Variants in PI15 observed in about 807,000 individuals in gnomAD.
The protein encoded by PI15 is peptidase inhibitor 15, also known as 25 kDa trypsin inhibitor.
In PI15, 18 loss-of-function variants were observed where a neutral mutation model predicts 31.0. That is an observed-to-expected ratio of 0.58 (90% CI 0.40 to 0.86). PI15 has a LOEUF of 0.86. PI15 is among the 40% of genes least tolerant of loss of function. PI15 has a pLI of 0.00. For synonymous variants in PI15, 118 were observed against 119.1 expected (o/e 0.99, Z 0.06); for missense variants, 282 against 328.1 (o/e 0.86, Z 1.09).
chr8:74,845,188 T>C lies in PI15; in HGVS notation c.453T>C (p.Phe151=), dbSNP rs1472029471. ...ATGATGAAGTGAAAGATTATGCTTT[T>C]CCATATCCCCAGGATTGCAACCCCA... ...PWYDEVKDYA[F]PYPQDCNPRC... is the part of the protein sequence containing the mutation. Residue 151 remains phenylalanine (F), a synonymous_variant, in exon 4 of 6, where the codon TTT becomes TTC. Coordinates refer to ENST00000260113, the MANE Select transcript of PI15 (RefSeq NM_015886.5). 7 of 1,612,820 alleles carry C rather than the reference T, an allele frequency of 4.3e-6. No homozygotes were observed. The highest frequency in any genetic ancestry group is 1.7e-5 in the Admixed American group (1 of 60,006).
intron 2 of PI15, among the ~76,000 whole-genome samples, chr8:74,839,298 T>C (rs1810912434): frequency 6.6e-6 from 1 of 152,184 alleles, no homozygotes; most frequent in African/African-American, 2.4e-5. Context: ...GTGAATATTT[T>C]AGTCCAGAGC....
intron 2 of PI15, among the ~76,000 whole-genome samples, chr8:74,826,027 C>T (rs2128763085): frequency 6.6e-6 from 1 of 152,120 alleles, no homozygotes; most frequent in South Asian, 2.1e-4. Flanking sequence ...CTGACGCTAA[C>T]CTATTTGTAT....
chr8:74,835,226 TC>T (rs1810845941), intron 2 of PI15, among the ~76,000 whole-genome samples: 1 of 152,174 alleles, frequency 6.6e-6, no homozygotes, highest in Admixed American at 6.5e-5. Context: ...TTTTGGATTT[TC>T]AGAAAGTTTC....
intron 5 of PI15, among the ~76,000 whole-genome samples, chr8:74,847,079 A>G (rs1206362225): frequency 6.6e-6 from 1 of 152,186 alleles, no homozygotes; most frequent in African/African-American, 2.4e-5. Flanking sequence ...AATGTCTGTG[A>G]AACAAATCAA....
At chr8:74,832,547 T>C (rs1315039950) in intron 2 of PI15, among the ~76,000 whole-genome samples, 3 of 152,082 alleles carry the variant, frequency 2.0e-5, no homozygotes, top group Admixed American at 6.6e-5. Context: ...AATGGTGCCA[T>C]GAATTTAGTA....
Position 74,849,409 on chromosome 8 carries a change from G to A in PI15, c.*156G>A. ...GTATAAATTAGTGTTTGTCTAGCAT[G>A]TTTGTTTAATCCTTTGAAATATTTG... On this transcript the variant is annotated 3_prime_UTR_variant, in exon 6 of 6. Transcript: ENST00000260113. 3.9e-6 allele frequency: 2 copies of A among 515,294 alleles called. No individual in the cohort carries two copies. Among genetic ancestry groups the A allele is most frequent in the Non-Finnish European group, 6.6e-6 (2 of 302,002 alleles). The allele number at this position is 515,294 out of a possible 1,614,324, so 31.9% of individuals were successfully genotyped here. A position where few individuals can be genotyped will look rare whatever the true frequency, so the allele number is the denominator to read the frequency against.
Position 74,825,468 on chromosome 8 carries a change from T to G in PI15, c.219T>G (p.Tyr73Ter). ...SQNDMIAILD[Y>*]HNQVRGKVFP... ...ATGACATGATCGCCATTCTTGATTA[T>G]CATAATCAAGTTCGGGGCAAAGTGT... is the stretch of plus-strand genomic sequence containing the variant. The change falls in exon 2 of 6, where the codon TAT becomes TAG. Residue 73 changes from tyrosine (Y) to a stop codon, truncating the protein, a stop_gained. Transcript: ENST00000260113. LOFTEE classifies it high-confidence loss of function. The G allele has an allele frequency of 1.2e-6, 2 of 1,613,130 alleles. No individual in the cohort carries two copies. Among genetic ancestry groups the G allele is most frequent in the Non-Finnish European group, 1.7e-6 (2 of 1,179,488 alleles).
Position 74,850,372 on chromosome 8 carries a change from G to A in PI15, c.*1119G>A, listed in dbSNP as rs1017215838. The A allele has an allele frequency of 1.3e-5, 2 of 152,140 alleles. No individual in the cohort carries two copies. Among genetic ancestry groups the A allele is most frequent in the Non-Finnish European group, 2.9e-5 (2 of 68,020 alleles). The allele number at this position is 152,140 out of a possible 1,614,324, so 9.4% of individuals were successfully genotyped here. A position where few individuals can be genotyped will look rare whatever the true frequency, so the allele number is the denominator to read the frequency against. On this transcript the variant is annotated 3_prime_UTR_variant, in exon 6 of 6. Coordinates refer to ENST00000260113, the MANE Select transcript of PI15 (RefSeq NM_015886.5). ...GGACAGGTATGAAAAGTGTAATTGC[G>A]CCTAACTACCAGATGGAGAGCTTCA...
chr8:74,832,498 TCAACAAATATG>T (rs1227770818), intron 2 of PI15, among the ~76,000 whole-genome samples: 2 of 152,022 alleles, frequency 1.3e-5, no homozygotes, highest in South Asian at 4.1e-4. Flanking sequence ...GGGAATCTAC[TCAACAAATATG>T]CAAGAAAATA....
intron 2 of PI15, 104 bp downstream of exon 2, chr8:74,825,626 T>C (rs1159270435): frequency 3.4e-6 from 3 of 894,202 alleles, no homozygotes; most frequent in East Asian, 5.2e-5. Flanking sequence ...TGTCCGGGTA[T>C]ATGGACTTTT....
At position 74,853,885 on chromosome 8, in the gene PI15, TTA is replaced by T. The variant is rs1169382649; in HGVS notation, c.*4633_*4634del. 1 of 152,026 alleles carries T rather than the reference TTA, an allele frequency of 6.6e-6. No individual in the cohort carries two copies. The highest frequency in any genetic ancestry group is 1.5e-5 in the Non-Finnish European group (1 of 67,926). The allele number at this position is 152,026 out of a possible 1,614,324, so 9.4% of individuals were successfully genotyped here. ...GTATTGGTAAAATATATTTTTAAAT[TTA>T]GTTAGCTTTATAAACACAATTAGAA... On this transcript the variant is annotated 3_prime_UTR_variant, in exon 6 of 6. Transcript: ENST00000260113.
In PI15 at chr8:74,851,157, C is replaced by T. The variant is rs1008485280; in HGVS notation, c.*1904C>T. 6.6e-6 allele frequency: 1 copy of T among 152,408 alleles called. No homozygotes were observed. Among genetic ancestry groups the T allele is most frequent in the Non-Finnish European group, 1.5e-5 (1 of 67,984 alleles). 9.4% of individuals were successfully genotyped at this position (152,408 alleles called of 1,614,324 possible). A position where few individuals can be genotyped will look rare whatever the true frequency, so the allele number is the denominator to read the frequency against. ...CTGCCTTTGTGGGCACATATGTAGA[C>T]ACTACTAAAAATAAATATTTTTGGA... On this transcript the variant is annotated 3_prime_UTR_variant, in exon 6 of 6. Coordinates refer to ENST00000260113, the MANE Select transcript of PI15 (RefSeq NM_015886.5).
intron 2 of PI15, among the ~76,000 whole-genome samples, chr8:74,842,230 A>G (rs1810955553): frequency 6.6e-6 from 1 of 152,100 alleles, no homozygotes; most frequent in South Asian, 2.1e-4. Flanking sequence ...TGATGGAGGA[A>G]AAGTAGGACA....
intron 2 of PI15, among the ~76,000 whole-genome samples, chr8:74,837,407 T>A (rs1167121907): frequency 3.3e-5 from 5 of 152,072 alleles, no homozygotes; most frequent in Non-Finnish European, 4.4e-5. Context: ...GCTGCCCTCC[T>A]GTCTGGTTTA....
Position 74,852,281 on chromosome 8 carries a change from G to A in PI15, c.*3028G>A, listed in dbSNP as rs1811118676. ...AAAATTTTAATATTCTCACAATATAGGTTTTGGGGCTTCCATATCATCAAA... is the reference window on the plus strand; with the variant it reads ...AAAATTTTAATATTCTCACAATATAAGTTTTGGGGCTTCCATATCATCAAA... On this transcript the variant is annotated 3_prime_UTR_variant, in exon 6 of 6. Coordinates refer to ENST00000260113, the MANE Select transcript of PI15 (RefSeq NM_015886.5). 1 of 151,944 alleles carries A rather than the reference G, an allele frequency of 6.6e-6. No individual in the cohort carries two copies. Among genetic ancestry groups the A allele is most frequent in the South Asian group, 2.1e-4 (1 of 4,824 alleles). The allele number at this position is 151,944 out of a possible 1,614,324, so 9.4% of individuals were successfully genotyped here.
chr8:74,847,699 C>T (rs1229034575), intron 5 of PI15, among the ~76,000 whole-genome samples: 1 of 151,966 alleles, frequency 6.6e-6, no homozygotes, highest in African/African-American at 2.4e-5. Flanking sequence ...ATAGATTTTC[C>T]TGTATAGCTA....
At position 74,849,259 on chromosome 8, in the gene PI15, C is replaced by T. The variant is rs555074510; in HGVS notation, c.*6C>T. 2 of 1,606,374 alleles carry T rather than the reference C, an allele frequency of 1.2e-6. No individual in the cohort carries two copies. Among genetic ancestry groups the T allele is most frequent in the East Asian group, 2.2e-5 (1 of 44,636 alleles). On this transcript the variant is annotated 3_prime_UTR_variant, in exon 6 of 6. Transcript: ENST00000260113. ...ACCTGTACTGGTTTAAATAAGTTTA[C>T]CTTTTCCTCCAGGAAATATAATGAT...
chr8:74,841,994 G>A (rs960352341), intron 2 of PI15, among the ~76,000 whole-genome samples: 2 of 151,082 alleles, frequency 1.3e-5, no homozygotes, highest in African/African-American at 4.8e-5. Flanking sequence ...GAGGTAAGAG[G>A]GTCTCTTGAA....
intron 2 of PI15, among the ~76,000 whole-genome samples, chr8:74,836,670 C>T (rs1586954633): frequency 6.6e-6 from 1 of 152,224 alleles, no homozygotes; most frequent in East Asian, 1.9e-4. Context: ...CAGAGAAAAA[C>T]AGGCAAGTGT....
Sources: gnomAD v4.1 joint callset for allele counts (sites outside exome capture counted in the v4.1 genomes callset) on GRCh38, gnomAD v4.1.1 for gene constraint, MANE v1.5 for transcripts, NCBI Gene and HGNC (gene_info 2026-07-23, HGNC 2026-07-21) for gene names.